The following ZBTB2 variants were observed in gnomAD, a reference collection of about 807,000 sequenced individuals.
The protein encoded by ZBTB2 is zinc finger and BTB domain containing 2.
A neutral mutation model predicts 39.5 loss-of-function variants in ZBTB2; 2 were observed. The ratio of observed to expected loss-of-function variants is 0.05; its 90% CI spans 0.02 to 0.16. The LOEUF (loss-of-function observed/expected upper bound fraction) is 0.16. Among genes scored for constraint, ZBTB2 ranks in the 10% least tolerant of loss-of-function variants. ZBTB2 has a pLI of 1.00. For missense variants in ZBTB2, 391 were observed against 653.0 expected (o/e 0.60, Z 4.37); for synonymous variants, 251 against 256.6 (o/e 0.98, Z 0.21).
chr6:151,387,657 G>C (rs1260039547), intron 1 of ZBTB2, among the ~76,000 whole-genome samples: 1 of 152,118 alleles, frequency 6.6e-6, no homozygotes, highest in African/African-American at 2.4e-5. Context: ...TCTAACAAAA[G>C]TAAAAAAGTA....
chr6:151,372,804 G>A (rs558164280), intron 2 of ZBTB2, among the ~76,000 whole-genome samples: 2 of 152,198 alleles, frequency 1.3e-5, no homozygotes, highest in Non-Finnish European at 2.9e-5. Context: ...TAGATAATGA[G>A]TCCAGGAAAG....
intron 1 of ZBTB2, among the ~76,000 whole-genome samples, chr6:151,380,560 C>T (rs905372258): frequency 1.3e-5 from 2 of 152,228 alleles, no homozygotes; most frequent in African/African-American, 2.4e-5. Context: ...CACCTCCAGG[C>T]CAGCTCCCGC....
intron 2 of ZBTB2, among the ~76,000 whole-genome samples, chr6:151,368,745 C>T (rs1417370304): frequency 8.6e-5 from 13 of 150,714 alleles, no homozygotes; most frequent in Non-Finnish European, 1.8e-4. Flanking sequence ...TGAGCTACTG[C>T]GCCTGGTCAT....
At chr6:151,381,308 G>A (rs902193172) in intron 1 of ZBTB2, among the ~76,000 whole-genome samples, 1 of 152,074 alleles carries the variant, frequency 6.6e-6, no homozygotes, top group Admixed American at 6.5e-5. Context: ...ATCACCTGAC[G>A]TCAGGAGTTT....
intron 1 of ZBTB2, among the ~76,000 whole-genome samples, chr6:151,388,929 C>T (rs1320242781): frequency 1.3e-5 from 2 of 152,162 alleles, no homozygotes; most frequent in Admixed American, 1.3e-4. Flanking sequence ...GTTTTAGGGG[C>T]GTAGACTACA....
At chr6:151,375,428 C>G (rs1273776121) in intron 1 of ZBTB2, among the ~76,000 whole-genome samples, 1 of 152,138 alleles carries the variant, frequency 6.6e-6, no homozygotes, top group Admixed American at 6.5e-5. Context: ...GGTAAAGATA[C>G]CAATTTTCCC....
At chr6:151,373,359 C>G in intron 2 of ZBTB2, 106 bp downstream of exon 2, 1 of 1,291,846 alleles carries the variant, frequency 7.7e-7, no homozygotes. Flanking sequence ...GAGCAGGTCA[C>G]CTAGGAGCTA....
chr6:151,373,772 A>G, intron 1 of ZBTB2, 123 bp from the exon 2 acceptor site: 1 of 868,428 alleles, frequency 1.2e-6, no homozygotes, highest in South Asian at 1.8e-5. Flanking sequence ...AGGCACTGCT[A>G]AAAACGTTAC....
At position 151,373,569 on chromosome 6, in the gene ZBTB2, C is replaced by G. The variant is rs142578824; in HGVS notation, c.69G>C (p.Leu23=). The change falls in exon 2 of 3, where the codon CTG becomes CTC. Residue 23 remains leucine, a synonymous_variant. Transcript: ENST00000325144. Reference sequence around the variant, plus strand: ...CGCCGATTGCAACCGTGCAGTCACACAGGAAACCAAACTCTCGCTGAGCGT... The same window carrying G: ...CGCCGATTGCAACCGTGCAGTCACAGAGGAAACCAAACTCTCGCTGAGCGT... ...QLNAQREFGF[L]CDCTVAIGDV... 1 of 1,614,154 alleles carries G rather than the reference C, an allele frequency of 6.2e-7. No individual in the cohort carries two copies. The highest frequency in any genetic ancestry group is 8.5e-7 in the Non-Finnish European group (1 of 1,180,036).
At position 151,365,976 on chromosome 6, in the gene ZBTB2, C is replaced by T; in HGVS notation, c.1090G>A (p.Glu364Lys). The T allele has an allele frequency of 1.9e-6, 3 of 1,614,192 alleles. No individual in the cohort carries two copies. The highest frequency in any genetic ancestry group is 1.3e-5 in the African/African-American group (1 of 75,042). The stretch of plus-strand genomic sequence containing the variant: ...AATTTGCGTCCACATATTGTGCACT[C>T]GTACTTCCGCCTCTTCACCTCCCTC... ...QEREVKRRKY[E>K]CTICGRKFIQ... The change falls in exon 3 of 3, where the codon GAG (glutamate) becomes AAG (lysine). Residue 364 changes from glutamate to lysine, a missense_variant. This residue lies in a region of ZBTB2 where 17 missense variants were observed against 67.6 expected (regional missense o/e 0.25). Transcript: ENST00000325144. The surrounding 1 kb of genome is among the most constrained non-coding windows in gnomAD (Gnocchi z 5.6).
chr6:151,379,637 GAAAAAA>G (rs61085296), intron 1 of ZBTB2, among the ~76,000 whole-genome samples: 1 of 65,928 alleles, frequency 1.5e-5, no homozygotes, highest in Non-Finnish European at 2.9e-5. Context: ...GACCCTGTCT[GAAAAAA>G]AAAAAAAAAA....
intron 2 of ZBTB2, among the ~76,000 whole-genome samples, chr6:151,372,719 G>A (rs960689050): frequency 6.6e-6 from 1 of 152,070 alleles, no homozygotes; most frequent in Non-Finnish European, 1.5e-5. Flanking sequence ...CTTGTTAGAG[G>A]AGGAGACAAG....
chr6:151,370,916 C>G (rs903109102), intron 2 of ZBTB2, among the ~76,000 whole-genome samples: 13 of 152,194 alleles, frequency 8.5e-5, no homozygotes, highest in Non-Finnish European at 1.6e-4. Flanking sequence ...TTGTATTACA[C>G]AAATATCACA....
chr6:151,377,033 C>T (rs1302164851), intron 1 of ZBTB2, among the ~76,000 whole-genome samples: 2 of 152,020 alleles, frequency 1.3e-5, no homozygotes, highest in South Asian at 2.1e-4. Flanking sequence ...CTACTGATAA[C>T]GTACAACAAC....
Position 151,366,793 on chromosome 6 carries a change from G to A in ZBTB2, c.273C>T (p.Asp91=), listed in dbSNP as rs774543279. 8.7e-6 allele frequency: 14 copies of A among 1,614,136 alleles called. No individual in the cohort carries two copies. The highest frequency in any genetic ancestry group is 1.0e-5 in the Non-Finnish European group (12 of 1,180,034). ...YTGKMAPQLI[D]PVRLEQGIKF... ...TGATGCCCTGTTCTAATCGAACCGG[G>A]TCGATGAGCTGAGGCGCCATCTTCC... Residue 91 remains aspartate, a synonymous_variant, in exon 3 of 3, where the codon GAC becomes GAT. Transcript: ENST00000325144. The surrounding 1 kb of genome is among the most constrained non-coding windows in gnomAD (Gnocchi z 7.1).
chr6:151,384,790 G>A (rs1044122001), intron 1 of ZBTB2, among the ~76,000 whole-genome samples: 14 of 152,152 alleles, frequency 9.2e-5, no homozygotes, highest in East Asian at 3.9e-4. Context: ...AATTGTCTGC[G>A]TCTTCAGAAA....
At chr6:151,367,322 T>C (rs923565289) in intron 2 of ZBTB2, among the ~76,000 whole-genome samples, 1 of 152,180 alleles carries the variant, frequency 6.6e-6, no homozygotes, top group Non-Finnish European at 1.5e-5. Flanking sequence ...GGATTCACCA[T>C]GTTGGCCAGG....
intron 1 of ZBTB2, among the ~76,000 whole-genome samples, chr6:151,386,839 T>G (rs537962947): frequency 1.3e-5 from 2 of 152,170 alleles, no homozygotes; most frequent in South Asian, 4.1e-4. Context: ...CTACTGATAA[T>G]TACCAAAATG....
At chr6:151,368,215 C>T (rs1778692086) in intron 2 of ZBTB2, among the ~76,000 whole-genome samples, 3 of 152,148 alleles carry the variant, frequency 2.0e-5, no homozygotes, top group South Asian at 2.1e-4. Context: ...GGTGCGATCT[C>T]GGCTCACTGC....
Sources: allele counts gnomAD v4.1 joint callset (sites outside exome capture counted in the v4.1 genomes callset), GRCh38; gene constraint gnomAD v4.1.1; regional missense constraint gnomAD v4.1.1; non-coding constraint Gnocchi (gnomAD v3.1); transcripts MANE v1.5; gene names NCBI Gene and HGNC (gene_info 2026-07-23, HGNC 2026-07-21).